FXR1: variants seen among roughly 807,000 people sequenced by gnomAD.
FXR1 encodes the protein RNA-binding protein FXR1.
A neutral mutation model predicts 84.0 loss-of-function variants in FXR1; 15 were observed. The ratio of observed to expected loss-of-function variants is 0.18; its 90% CI spans 0.12 to 0.27. The LOEUF (loss-of-function observed/expected upper bound fraction) is 0.27, where lower values mean the gene tolerates loss of function less well. Among genes scored for constraint, FXR1 ranks in the 10% least tolerant of loss-of-function variants. FXR1 has a pLI of 1.00. For synonymous variants in FXR1, 245 were observed against 250.7 expected (o/e 0.98, Z 0.21); for missense variants, 480 against 774.4 (o/e 0.62, Z 4.51).
intron 8 of FXR1, among the ~76,000 whole-genome samples, chr3:180,952,262 G>T (rs1399951361): frequency 6.6e-6 from 1 of 151,872 alleles, no homozygotes; most frequent in African/African-American, 2.4e-5. Flanking sequence ...CTGGCCTGGA[G>T]TTTTTTTTGA....
intron 3 of FXR1, among the ~76,000 whole-genome samples, chr3:180,936,446 G>A (rs1375653740): frequency 1.3e-5 from 2 of 150,734 alleles, no homozygotes; most frequent in Non-Finnish European, 3.0e-5. Context: ...TGTTTTACTT[G>A]TAGTAGAGAC....
chr3:180,949,044 A>G (rs1312893353), intron 6 of FXR1, among the ~76,000 whole-genome samples, 183 bp from the exon 7 acceptor site: 2 of 152,242 alleles, frequency 1.3e-5, no homozygotes, highest in African/African-American at 4.8e-5. Context: ...CATATTCTGA[A>G]TAGCAGATCT....
intron 14 of FXR1, 119 bp from the exon 15 acceptor site, chr3:180,970,037 CAG>C (rs1215331605): frequency 6.9e-5 from 35 of 507,058 alleles, no homozygotes; most frequent in Admixed American, 6.1e-5. Context: ...TATTTGAAGA[CAG>C]TGCATTTTTA....
chr3:180,925,895 A>G (rs1180957721), intron 1 of FXR1, among the ~76,000 whole-genome samples: 2 of 152,214 alleles, frequency 1.3e-5, no homozygotes, highest in Admixed American at 6.5e-5. Context: ...TTTGTAATCA[A>G]ATTTATCCAC....
chr3:180,946,262 G>C, intron 3 of FXR1, among the ~76,000 whole-genome samples: 1 of 152,290 alleles, frequency 6.6e-6, no homozygotes, highest in East Asian at 1.9e-4. Context: ...GTATCCTCTA[G>C]GTGATGCCAT....
intron 10 of FXR1, among the ~76,000 whole-genome samples, chr3:180,958,408 A>G (rs1332392812): frequency 2.0e-5 from 3 of 152,066 alleles, no homozygotes; most frequent in Non-Finnish European, 2.9e-5. Flanking sequence ...CTCCACACTG[A>G]GTCTCCAAAG....
At chr3:180,968,432 T>C (rs1462639493) in intron 14 of FXR1, 178 bp downstream of exon 14, 1 of 571,950 alleles carries the variant, frequency 1.7e-6, no homozygotes, top group African/African-American at 1.9e-5. Flanking sequence ...TGTTTCTCAG[T>C]GAAGGTTTAC....
At chr3:180,964,745 C>G (rs1472826803) in intron 13 of FXR1, among the ~76,000 whole-genome samples, 4 of 147,778 alleles carry the variant, frequency 2.7e-5, no homozygotes, top group Non-Finnish European at 5.9e-5. Context: ...CTATAAGAAA[C>G]ATTTCCCAGT....
rs1217205847 is a variant in FXR1 at position 180,948,812 on chromosome 3, C to T, written c.511C>T (p.Leu171=). ...TCCAGAAACAACACAGCTAATGATA[C>T]TGGTAAGATAGTACCATATTATAAG... The part of the protein sequence containing the change: ...YHPETTQLMI[L]SASEATVKRV... Residue 171 remains leucine, a splice_region_variant and synonymous_variant, in exon 6 of 17, where the codon CTG becomes TTG. Coordinates refer to ENST00000357559, the MANE Select transcript of FXR1 (RefSeq NM_005087.4). 1.5e-6 allele frequency: 2 copies of T among 1,309,168 alleles called. No homozygotes were observed. The highest frequency in any genetic ancestry group is 2.2e-6 in the Non-Finnish European group (2 of 902,452). 81.1% of individuals were successfully genotyped at this position (1,309,168 alleles called of 1,614,324 possible). A position where few individuals can be genotyped will look rare whatever the true frequency, so the allele number is the denominator to read the frequency against.
At chr3:180,926,478 G>GTATATA (rs34325096) in intron 1 of FXR1, among the ~76,000 whole-genome samples, 904 of 75,288 alleles carry the variant, frequency 0.012, 4 homozygotes, top group Middle Eastern at 0.016. Context: ...GGATTGTACT[G>GTATATA]TATATATATA....
chr3:180,969,270 T>C (rs949824367), intron 14 of FXR1, among the ~76,000 whole-genome samples: 1 of 152,240 alleles, frequency 6.6e-6, no homozygotes, highest in Non-Finnish European at 1.5e-5. Context: ...TACAGTATAC[T>C]GAATTGCAAA....
intron 10 of FXR1, among the ~76,000 whole-genome samples, chr3:180,958,711 C>T (rs991662335): frequency 6.6e-6 from 1 of 151,954 alleles, no homozygotes; most frequent in African/African-American, 2.4e-5. Context: ...ATTGTACTCT[C>T]CTTAACTATT....
chr3:180,968,860 G>T (rs887734059), intron 14 of FXR1, among the ~76,000 whole-genome samples: 3 of 152,056 alleles, frequency 2.0e-5, no homozygotes, highest in African/African-American at 7.2e-5. Context: ...TAAGTTGTAG[G>T]AGTTTCCAGA....
chr3:180,962,750 A>G (rs1712281950), intron 11 of FXR1, 133 bp from the exon 12 acceptor site: 1 of 649,748 alleles, frequency 1.5e-6, no homozygotes, highest in Non-Finnish European at 2.7e-6. Flanking sequence ...TCTGTTGACT[A>G]GGAACACAAT....
At chr3:180,943,535 G>A (rs1721367583) in intron 3 of FXR1, among the ~76,000 whole-genome samples, 1 of 152,174 alleles carries the variant, frequency 6.6e-6, no homozygotes, top group African/African-American at 2.4e-5. Flanking sequence ...CCAGAGTGCT[G>A]GGATTACAGG....
At chr3:180,915,655 CCCT>C (rs1262110875) in intron 1 of FXR1, 5 of 709,002 alleles carry the variant, frequency 7.1e-6, no homozygotes, top group Non-Finnish European at 1.3e-5. Context: ...CCCTTTTTTC[CCCT>C]CCTCTTACCC....
At chr3:180,973,950 T>C (rs2108497728) in intron 15 of FXR1, among the ~76,000 whole-genome samples, 1 of 152,304 alleles carries the variant, frequency 6.6e-6, no homozygotes, top group South Asian at 2.1e-4. Flanking sequence ...GGACCAATTC[T>C]CCCCATACCT....
intron 1 of FXR1, among the ~76,000 whole-genome samples, chr3:180,929,987 G>A (rs1038085530): frequency 2.0e-5 from 3 of 152,134 alleles, no homozygotes; most frequent in African/African-American, 7.2e-5. Flanking sequence ...CTCAAGGGCC[G>A]GGGCGTGGTG....
chr3:180,944,899 G>A (rs528771266), intron 3 of FXR1, among the ~76,000 whole-genome samples: 13 of 152,304 alleles, frequency 8.5e-5, no homozygotes, highest in Non-Finnish European at 1.6e-4. Flanking sequence ...CTCGGATTAC[G>A]GGCGTGAGCC....
Sources: gnomAD v4.1 joint callset for allele counts (sites outside exome capture counted in the v4.1 genomes callset) on GRCh38, gnomAD v4.1.1 for gene constraint, MANE v1.5 for transcripts, NCBI Gene and HGNC (gene_info 2026-07-23, HGNC 2026-07-21) for gene names.